Variants in PRAMEF12 observed in about 807,000 individuals in gnomAD.
PRAMEF12 encodes the protein PRAME family member 12.
In PRAMEF12, 24 loss-of-function variants were observed where a neutral mutation model predicts 24.6. The ratio of observed to expected loss-of-function variants is 0.98; its 90% confidence interval spans 0.71 to 1.37. PRAMEF12 has a LOEUF of 1.37. Ranked by LOEUF, PRAMEF12 falls within the 40% of genes most tolerant of loss-of-function variation. PRAMEF12 has a pLI of 0.00. For synonymous variants in PRAMEF12, 286 were observed against 242.6 expected (o/e 1.18, Z -1.66); for missense variants, 646 against 580.3 (o/e 1.11, Z -1.16).
chr1:12,775,947 A>G lies in PRAMEF12; in HGVS notation c.692A>G (p.Asn231Ser), dbSNP rs1193152572. 1 of 1,613,956 alleles carries G rather than the reference A, an allele frequency of 6.2e-7. No homozygotes were observed. The highest frequency in any genetic ancestry group is 2.2e-5 in the East Asian group (1 of 44,878). ...GCCCCTTACCTGGGCCAGATGAGGAATCTCCGCAAACTTGTTCTCTTCAAC... is the reference window on the plus strand; with the variant it reads ...GCCCCTTACCTGGGCCAGATGAGGAGTCTCCGCAAACTTGTTCTCTTCAAC... ...RFAPYLGQMR[N>S]LRKLVLFNIH... is the part of the protein sequence containing the mutation. The change falls in exon 2 of 3, where the codon AAT (asparagine) becomes AGT (serine). Residue 231 changes from asparagine to serine, a missense_variant. Transcript: ENST00000357726.
rs922815142 is a variant in PRAMEF12 at position 12,775,972 on chromosome 1, C to T, written c.717C>T (p.Asn239=). ...MRNLRKLVLF[N]IHVSACIPLD... is the part of the protein sequence containing the mutation. Reference sequence around the variant, plus strand: ...ATCTCCGCAAACTTGTTCTCTTCAACATCCATGTCTCTGCCTGCATTCCCC... The same window carrying T: ...ATCTCCGCAAACTTGTTCTCTTCAATATCCATGTCTCTGCCTGCATTCCCC... Residue 239 remains asparagine, a synonymous_variant, in exon 2 of 3, where the codon AAC becomes AAT. Transcript: ENST00000357726. 1 of 1,614,054 alleles carries T rather than the reference C, an allele frequency of 6.2e-7. No individual in the cohort carries two copies. The highest frequency in any genetic ancestry group is 8.5e-7 in the Non-Finnish European group (1 of 1,180,024).
intron 1 of PRAMEF12, 63 bp from the exon 2 acceptor site, chr1:12,775,480 G>A (rs576444430): frequency 1.5e-5 from 21 of 1,440,418 alleles, no homozygotes; most frequent in Non-Finnish European, 4.8e-6. Context: ...GCTGATGTCC[G>A]GGATGTGGAT....
intron 2 of PRAMEF12, among the ~76,000 whole-genome samples, 198 bp downstream of exon 2, chr1:12,776,316 A>G (rs1017422786): frequency 5.3e-5 from 8 of 152,042 alleles, no homozygotes; most frequent in Non-Finnish European, 8.8e-5. Context: ...AGCCAGCGGG[A>G]TCTCCTGGGC....
At chr1:12,776,781 C>G (rs958424061) in intron 2 of PRAMEF12, among the ~76,000 whole-genome samples, 1 of 152,212 alleles carries the variant, frequency 6.6e-6, no homozygotes, top group East Asian at 1.9e-4. Context: ...CTACCTGACA[C>G]ATGAGGAAAG....
rs780385217 is a variant in PRAMEF12 at position 12,775,164 on chromosome 1, C to T, written c.287+10C>T. 3 of 1,600,240 alleles carry T rather than the reference C, an allele frequency of 1.9e-6. No individual in the cohort carries two copies. Among genetic ancestry groups the T allele is most frequent in the Non-Finnish European group, 2.6e-6 (3 of 1,172,808 alleles). Reference sequence around the variant, plus strand: ...AGAAGGTTCGCCCCAGGTGAGGTGACCCAGCTAACCAGGTGGGGAGGGCTC... The same window carrying T: ...AGAAGGTTCGCCCCAGGTGAGGTGATCCAGCTAACCAGGTGGGGAGGGCTC... On this transcript the variant is annotated intron_variant, in intron 1 of 2. Transcript: ENST00000357726.
Position 12,777,129 on chromosome 1 carries a change from G to T in PRAMEF12, c.982G>T (p.Gly328Cys). The change falls in exon 3 of 3, where the codon GGC becomes TGC. Residue 328 changes from glycine (G) to cysteine (C), a missense_variant. By Grantham distance (159) the Gly-to-Cys change is radical (BLOSUM62 -3). Coordinates refer to ENST00000357726, the MANE Select transcript of PRAMEF12 (RefSeq NM_001080830.5). The stretch of plus-strand genomic sequence containing the variant: ...TCAGCTAAAAGAGCTAGACCTGAGG[G>T]GCATCACACTGACCCATTTCAGTCC... ...IRQLKELDLR[G>C]ITLTHFSPEP... The T allele has an allele frequency of 6.2e-7, 1 of 1,613,882 alleles. No individual in the cohort carries two copies. Among genetic ancestry groups the T allele is most frequent in the Non-Finnish European group, 8.5e-7 (1 of 1,179,982 alleles).
At position 12,777,771 on chromosome 1, in the gene PRAMEF12, C is replaced by T. The variant is rs1459710342; in HGVS notation, c.*172C>T. The T allele has an allele frequency of 1.4e-6, 1 of 700,928 alleles. No individual in the cohort carries two copies. Among genetic ancestry groups the T allele is most frequent in the Admixed American group, 2.9e-5 (1 of 34,194 alleles). 43.4% of individuals were successfully genotyped at this position (700,928 alleles called of 1,614,324 possible). ...TTGGAGTCAATAGGAGCTTTAGAGA[C>T]CTGTGTCCCAGAGAATCAGAAATGG... On this transcript the variant is annotated 3_prime_UTR_variant, in exon 3 of 3. Coordinates refer to ENST00000357726, the MANE Select transcript of PRAMEF12 (RefSeq NM_001080830.5).
chr1:12,775,485 G>T, intron 1 of PRAMEF12, 58 bp from the exon 2 acceptor site: 1 of 1,463,054 alleles, frequency 6.8e-7, no homozygotes, highest in Non-Finnish European at 9.3e-7. Context: ...TGTCCGGGAT[G>T]TGGATAAAAG....
intron 2 of PRAMEF12, 108 bp downstream of exon 2, chr1:12,776,226 C>CTTGT: frequency 8.8e-7 from 1 of 1,140,384 alleles, no homozygotes; most frequent in Non-Finnish European, 1.3e-6. Flanking sequence ...GAGGTAACAG[C>CTTGT]GAAGGGGACA....
intron 2 of PRAMEF12, 113 bp downstream of exon 2, chr1:12,776,231 G>C (rs1557589302): frequency 1.8e-6 from 2 of 1,110,570 alleles, no homozygotes; most frequent in Non-Finnish European, 2.7e-6. Flanking sequence ...AACAGCGAAG[G>C]GGACACTAGA....
Position 12,777,408 on chromosome 1 carries a change from C to T in PRAMEF12, c.1261C>T (p.Gln421Ter). Residue 421 changes from glutamine to a stop codon, truncating the protein, a stop_gained, in exon 3 of 3, where the codon CAG becomes TAG. Transcript: ENST00000357726. LOFTEE classifies it low-confidence loss of function (END_TRUNC). ...TGCCCCTCTGGAGAGTTATGATGCC[C>T]AGGGTGCTCTCTGCTGGGGAAGATT... ...YPAPLESYDA[Q>*]GALCWGRFSQ... is the part of the protein sequence containing the mutation. 4 of 1,613,932 alleles carry T rather than the reference C, an allele frequency of 2.5e-6. No homozygotes were observed. Among genetic ancestry groups the T allele is most frequent in the Admixed American group, 1.7e-5 (1 of 60,008 alleles).
chr1:12,777,554 C>T lies in PRAMEF12; in HGVS notation c.1407C>T (p.Pro469=). The T allele has an allele frequency of 6.2e-7, 1 of 1,614,002 alleles. No individual in the cohort carries two copies. The highest frequency in any genetic ancestry group is 8.5e-7 in the Non-Finnish European group (1 of 1,180,002). Residue 469 remains proline, a synonymous_variant, in exon 3 of 3, where the codon CCC becomes CCT. Transcript: ENST00000357726. Reference sequence around the variant, plus strand: ...TCAGGGCCTCCTATGACCTGGAGCCCAGTCACTGTCTGTTGAATGCCTGCT... The same window carrying T: ...TCAGGGCCTCCTATGACCTGGAGCCTAGTCACTGTCTGTTGAATGCCTGCT... The part of the protein sequence containing the change: ...CGIRASYDLE[P]SHCLLNACCQ...
At position 12,775,826 on chromosome 1, in the gene PRAMEF12, C is replaced by T. The variant is rs769955704; in HGVS notation, c.571C>T (p.His191Tyr). ...GCTGCAGATTTTTGGAATAGCCATC[C>T]ACAGGATCATAGAGGTCCTGAACAC... ...KELQIFGIAI[H>Y]RIIEVLNTVE... is the part of the protein sequence containing the mutation. Residue 191 changes from histidine to tyrosine, a missense_variant, in exon 2 of 3, where the codon CAC (histidine) becomes TAC (tyrosine). Transcript: ENST00000357726. The T allele has an allele frequency of 4.1e-5, 66 of 1,613,862 alleles. No homozygotes were observed. Among genetic ancestry groups the T allele is most frequent in the Non-Finnish European group, 4.4e-5 (52 of 1,180,024 alleles).
chr1:12,775,893 C>T lies in PRAMEF12; in HGVS notation c.638C>T (p.Pro213Leu), dbSNP rs367822350. ...DCIQEVEVCC[P>L]WELSILIRFA... ...ATCCAGGAGGTGGAAGTGTGCTGCCCGTGGGAGCTGTCCATTCTTATAAGG... is the reference window on the plus strand; with the variant it reads ...ATCCAGGAGGTGGAAGTGTGCTGCCTGTGGGAGCTGTCCATTCTTATAAGG... Residue 213 changes from proline (P) to leucine (L), a missense_variant, in exon 2 of 3, where the codon CCG becomes CTG. Transcript: ENST00000357726. 9.9e-6 allele frequency: 16 copies of T among 1,613,882 alleles called. No individual in the cohort carries two copies. The highest frequency in any genetic ancestry group is 5.3e-5 in the African/African-American group (4 of 74,860).
chr1:12,775,719 A>G lies in PRAMEF12; in HGVS notation c.464A>G (p.Asn155Ser). ...GTGATCCTAGACCTTTGCTTCAAGA[A>G]TGGGACGCTGGATGAATGCCTCACC... ...LMVILDLCFK[N>S]GTLDECLTHF... is the part of the protein sequence containing the mutation. Residue 155 changes from asparagine to serine, a missense_variant, in exon 2 of 3, where the codon AAT becomes AGT. Transcript: ENST00000357726. 1 of 1,613,830 alleles carries G rather than the reference A, an allele frequency of 6.2e-7. No individual in the cohort carries two copies.
chr1:12,777,762 C>G lies in PRAMEF12; in HGVS notation c.*163C>G. The G allele has an allele frequency of 1.4e-6, 1 of 725,754 alleles. No homozygotes were observed. The highest frequency in any genetic ancestry group is 2.3e-6 in the Non-Finnish European group (1 of 442,274). The allele number at this position is 725,754 out of a possible 1,614,324, so 45.0% of individuals were successfully genotyped here. On this transcript the variant is annotated 3_prime_UTR_variant, in exon 3 of 3. Coordinates refer to ENST00000357726, the MANE Select transcript of PRAMEF12 (RefSeq NM_001080830.5). ...AAAGTTGAGTTGGAGTCAATAGGAG[C>G]TTTAGAGACCTGTGTCCCAGAGAAT...
Position 12,775,052 on chromosome 1 carries a change from C to T in PRAMEF12, c.185C>T (p.Thr62Ile), listed in dbSNP as rs1254223813. ...LTTMVQAWPF[T>I]CLPLGSLMKS... ...ACTATGGTGCAGGCCTGGCCCTTCACCTGCCTTCCTCTAGGGTCCCTGATG... is the reference window on the plus strand; with the variant it reads ...ACTATGGTGCAGGCCTGGCCCTTCATCTGCCTTCCTCTAGGGTCCCTGATG... The change falls in exon 1 of 3, where the codon ACC becomes ATC. Residue 62 changes from threonine to isoleucine, a missense_variant. Coordinates refer to ENST00000357726, the MANE Select transcript of PRAMEF12 (RefSeq NM_001080830.5). The T allele has an allele frequency of 1.9e-6, 3 of 1,614,056 alleles. No individual in the cohort carries two copies. The highest frequency in any genetic ancestry group is 1.3e-5 in the African/African-American group (1 of 74,924).
At chr1:12,775,521 C>T in intron 1 of PRAMEF12, 22 bp from the exon 2 acceptor site, 1 of 1,581,892 alleles carries the variant, frequency 6.3e-7, no homozygotes, top group African/African-American at 1.4e-5. Context: ...AATTTGGAGC[C>T]TCTCTTCTCT....
chr1:12,777,480 C>A lies in PRAMEF12; in HGVS notation c.1333C>A (p.Gln445Lys). Residue 445 changes from glutamine (Q) to lysine (K), a missense_variant, in exon 3 of 3, where the codon CAG becomes AAG. Coordinates refer to ENST00000357726, the MANE Select transcript of PRAMEF12 (RefSeq NM_001080830.5). ...ELMKTLRDLR[Q>K]PKIIVFSTVP... ...GATGAAGACACTGAGGGACTTAAGG[C>A]AGCCCAAGATAATTGTGTTCAGCAC... is the stretch of plus-strand genomic sequence containing the variant. 1 of 1,614,130 alleles carries A rather than the reference C, an allele frequency of 6.2e-7. No homozygotes were observed. The highest frequency in any genetic ancestry group is 8.5e-7 in the Non-Finnish European group (1 of 1,180,026).
Sources: allele counts gnomAD v4.1 joint callset (sites outside exome capture counted in the v4.1 genomes callset), GRCh38; gene constraint gnomAD v4.1.1; transcripts MANE v1.5; gene names NCBI Gene and HGNC (gene_info 2026-07-23, HGNC 2026-07-21).